SURF6: variants seen among roughly 807,000 people sequenced by gnomAD.
SURF6 encodes the protein surfeit 6, also known as surfeit locus protein 6.
In SURF6, 28 loss-of-function variants were observed where a neutral mutation model predicts 37.5. The ratio of observed to expected loss-of-function variants is 0.75; its 90% confidence interval spans 0.55 to 1.02. The LOEUF (loss-of-function observed/expected upper bound fraction) is 1.02, where lower values mean the gene tolerates loss of function less well. SURF6 is among the 50% of genes least tolerant of loss of function. The pLI is 0.00. For synonymous variants in SURF6, 248 were observed against 210.9 expected (o/e 1.18, Z -1.52); for missense variants, 560 against 490.5 (o/e 1.14, Z -1.34).
intron 3 of SURF6, 69 bp from the exon 4 acceptor site, chr9:133,332,829 C>A: frequency 1.3e-6 from 2 of 1,500,606 alleles, no homozygotes; most frequent in East Asian, 2.3e-5. Flanking sequence ...GGCCCATAGT[C>A]GAGAAGAATC....
chr9:133,333,758 C>T lies in SURF6; in HGVS notation c.353G>A (p.Arg118Gln), dbSNP rs151083423. Reference protein sequence around the residue: ...PESVFALDVLRQRLHEKIQEA... With the variant: ...PESVFALDVLQQRLHEKIQEA... Reference sequence around the variant, plus strand: ...CTGGATCTTCTCATGCAGTCGCTGTCGCAGAACATCCAGAGCAAAGACAGA... The same window carrying T: ...CTGGATCTTCTCATGCAGTCGCTGTTGCAGAACATCCAGAGCAAAGACAGA... Residue 118 changes from arginine (R) to glutamine (Q), a missense_variant, in exon 3 of 5, where the codon CGA becomes CAA. Physicochemically the swap from Arg to Gln is conservative, Grantham distance 43. Transcript: ENST00000372022. 791 of 1,613,902 alleles carry T rather than the reference C, an allele frequency of 4.9e-4. 6 individuals are homozygous for T. The African/African-American group carries it at 8.7e-3, about 18-fold the overall frequency.
At chr9:133,333,052 G>A in intron 3 of SURF6, 2 of 462,672 alleles carry the variant, frequency 4.3e-6, no homozygotes, top group South Asian at 4.6e-5. Context: ...TATAGATGAG[G>A]AGGGTCAAGA....
chr9:133,336,057 G>A lies in SURF6; in HGVS notation c.76C>T (p.Gln26Ter). 6.2e-7 allele frequency: 1 copy of A among 1,612,158 alleles called. No homozygotes were observed. The highest frequency in any genetic ancestry group is 8.5e-7 in the Non-Finnish European group (1 of 1,179,834). ...KKICSHSAPE[Q>*]QARTRAGKTQ... ...GCGTTACCCCGCGTGCGCGCCTGCT[G>A]TTCCGGGGCCGAATGGGAGCAGATC... Residue 26 changes from glutamine (Q) to a stop codon, truncating the protein, a stop_gained, in exon 1 of 5, where the codon CAG becomes TAG. Coordinates refer to ENST00000372022, the MANE Select transcript of SURF6 (RefSeq NM_006753.6). LOFTEE classifies it high-confidence loss of function.
In SURF6 at chr9:133,331,794, G is replaced by A; in HGVS notation, c.*75C>T. On this transcript the variant is annotated 3_prime_UTR_variant, in exon 5 of 5. Coordinates refer to ENST00000372022, the MANE Select transcript of SURF6 (RefSeq NM_006753.6). ...CGAGGTCTGTGGAGATCCTGGGACA[G>A]AGCCAGCGTCAAGGACTCAGAGGGT... is the stretch of plus-strand genomic sequence containing the variant. 1.4e-6 allele frequency: 2 copies of A among 1,468,866 alleles called. No individual in the cohort carries two copies. Among genetic ancestry groups the A allele is most frequent in the African/African-American group, 2.9e-5 (2 of 69,044 alleles). The allele number at this position is 1,468,866 out of a possible 1,614,324, so 91.0% of individuals were successfully genotyped here.
intron 1 of SURF6, among the ~76,000 whole-genome samples, chr9:133,335,653 G>C (rs939154310): frequency 6.6e-6 from 1 of 151,212 alleles, no homozygotes; most frequent in Non-Finnish European, 1.5e-5. Flanking sequence ...GTAGTGAAGG[G>C]ACTGAAAGGG....
At chr9:133,335,945 T>C (rs1588674032) in intron 1 of SURF6, 94 bp downstream of exon 1, 3 of 960,806 alleles carry the variant, frequency 3.1e-6, no homozygotes, top group African/African-American at 1.7e-5. Context: ...CACTTAGATT[T>C]TTTTTCTAGT....
At position 133,330,206 on chromosome 9, in the gene SURF6, T is replaced by C. The variant is rs941900364; in HGVS notation, c.*1663A>G. The C allele has an allele frequency of 6.6e-6, 1 of 152,228 alleles. No homozygotes were observed. The highest frequency in any genetic ancestry group is 1.5e-5 in the Non-Finnish European group (1 of 68,046). The allele number at this position is 152,228 out of a possible 1,614,324, so 9.4% of individuals were successfully genotyped here. A position where few individuals can be genotyped will look rare whatever the true frequency, so the allele number is the denominator to read the frequency against. On this transcript the variant is annotated 3_prime_UTR_variant, in exon 5 of 5. Transcript: ENST00000372022. Reference sequence around the variant, plus strand: ...ATGCACATACATTTAGGGGCTATGTTTTTTTGTGCTGCTTTAGCTCTGTTC... The same window carrying C: ...ATGCACATACATTTAGGGGCTATGTCTTTTTGTGCTGCTTTAGCTCTGTTC...
chr9:133,336,116 G>A lies in SURF6; in HGVS notation c.17C>T (p.Ala6Val). 3 of 1,612,454 alleles carry A rather than the reference G, an allele frequency of 1.9e-6. No individual in the cohort carries two copies. Among genetic ancestry groups the A allele is most frequent in the Non-Finnish European group, 2.5e-6 (3 of 1,179,756 alleles). The change falls in exon 1 of 5, where the codon GCC (alanine) becomes GTC (valine). Residue 6 changes from alanine to valine, a missense_variant. Ala to Val is a moderately conservative substitution (Grantham distance 64). Transcript: ENST00000372022. ...CAGGCTCTGCAGGTAGGCGTCCTTG[G>A]CGAGTAGAGAGGCCATGGCGGAGAC... The part of the protein sequence containing the change: MASLL[A>V]KDAYLQSLAK...
At chr9:133,333,855 C>G (rs2129925260) in intron 2 of SURF6, 49 bp from the exon 3 acceptor site, 2 of 1,522,964 alleles carry the variant, frequency 1.3e-6, no homozygotes, top group African/African-American at 1.4e-5. Flanking sequence ...TCCCCTCCCC[C>G]TCCCTCCCTA....
Position 133,331,743 on chromosome 9 carries a change from A to T in SURF6, c.*126T>A. On this transcript the variant is annotated 3_prime_UTR_variant, in exon 5 of 5. Transcript: ENST00000372022. ...GGCCCTCACAACTCAGCAGAGCACC[A>T]CTGTGTCCCCCTCACATGGAGAGGC... 1 of 1,282,310 alleles carries T rather than the reference A, an allele frequency of 7.8e-7. No homozygotes were observed. The allele number at this position is 1,282,310 out of a possible 1,614,324, so 79.4% of individuals were successfully genotyped here.
Position 133,334,612 on chromosome 9 carries a change from A to G in SURF6, c.95-11T>C, listed in dbSNP as rs2129928515. 6.2e-7 allele frequency: 1 copy of G among 1,604,704 alleles called. No homozygotes were observed. The highest frequency in any genetic ancestry group is 1.7e-5 in the Admixed American group (1 of 59,802). On this transcript the variant is annotated splice_polypyrimidine_tract_variant and intron_variant, in intron 1 of 4. Transcript: ENST00000372022. ...CTTGAGTTTTGCCAGCTGAAATGCA[A>G]AATAAGAAAGAGTTAAGTCCCAATC...
At position 133,332,735 on chromosome 9, in the gene SURF6, G is replaced by A. The variant is rs2129921103; in HGVS notation, c.419C>T (p.Ala140Val). 11 of 1,611,142 alleles carry A rather than the reference G, an allele frequency of 6.8e-6. No individual in the cohort carries two copies. The highest frequency in any genetic ancestry group is 9.3e-6 in the Non-Finnish European group (11 of 1,180,006). The change falls in exon 4 of 5, where the codon GCC becomes GTC. Residue 140 changes from alanine (A) to valine (V), a missense_variant. By Grantham distance (64) the Ala-to-Val change is moderately conservative. Transcript: ENST00000372022. The part of the protein sequence containing the change: ...GQGSAKELSP[A>V]ALEKRRRRKQ... Reference sequence around the variant, plus strand: ...TCTCCGCCGCCTTTTCTCCAAGGCGGCAGGGGACAGCTCCTTGGCACTGCC... The same window carrying A: ...TCTCCGCCGCCTTTTCTCCAAGGCGACAGGGGACAGCTCCTTGGCACTGCC...
rs1554765636 is a variant in SURF6, at chr9:133,331,674, A to G, written c.*195T>C. 1 of 699,442 alleles carries G rather than the reference A, an allele frequency of 1.4e-6. No individual in the cohort carries two copies. The highest frequency in any genetic ancestry group is 2.1e-6 in the Non-Finnish European group (1 of 486,862). The allele number at this position is 699,442 out of a possible 1,614,324, so 43.3% of individuals were successfully genotyped here. On this transcript the variant is annotated 3_prime_UTR_variant, in exon 5 of 5. Coordinates refer to ENST00000372022, the MANE Select transcript of SURF6 (RefSeq NM_006753.6). The stretch of plus-strand genomic sequence containing the variant: ...AAGGTCCCGGATCCTGCGTTCAAGG[A>G]TGACGCTGAAACTCTCTCTTTCTCA...
Position 133,331,967 on chromosome 9 carries a change from G to GC in SURF6, c.987dup (p.Arg330AlafsTer82). 6.3e-7 allele frequency: 1 copy of GC among 1,595,396 alleles called. No individual in the cohort carries two copies. Among genetic ancestry groups the GC allele is most frequent in the East Asian group, 2.2e-5 (1 of 44,706 alleles). Reference sequence around the variant, plus strand: ...TCGGCGCGGGCCGCCTTCTTCCTGCGCAGGTTCTGCCGCCGCCGGTCCTGG... The same window carrying GC: ...TCGGCGCGGGCCGCCTTCTTCCTGCGCCAGGTTCTGCCGCCGCCGGTCCTGG... On this transcript the variant is annotated frameshift_variant, in exon 5 of 5. Coordinates refer to ENST00000372022, the MANE Select transcript of SURF6 (RefSeq NM_006753.6). LOFTEE classifies it high-confidence loss of function.
At chr9:133,334,277 T>C (rs1178482515) in intron 2 of SURF6, 115 bp downstream of exon 2, 3 of 933,336 alleles carry the variant, frequency 3.2e-6, no homozygotes, top group Non-Finnish European at 4.7e-6. Flanking sequence ...GGAAGTCTCG[T>C]GCTATCCCTG....
At chr9:133,332,815 G>C (rs1835782406) in intron 3 of SURF6, 55 bp from the exon 4 acceptor site, 1 of 1,554,984 alleles carries the variant, frequency 6.4e-7, no homozygotes, top group Non-Finnish European at 8.8e-7. Context: ...GGGTCCCCCA[G>C]CCTGGCCCAT....
chr9:133,334,376 C>G lies in SURF6; in HGVS notation c.304+16G>C. 1 of 1,605,548 alleles carries G rather than the reference C, an allele frequency of 6.2e-7. No individual in the cohort carries two copies. Among genetic ancestry groups the G allele is most frequent in the Non-Finnish European group, 8.5e-7 (1 of 1,176,934 alleles). On this transcript the variant is annotated intron_variant, in intron 2 of 4. Transcript: ENST00000372022. Reference sequence around the variant, plus strand: ...CCCCGCCCTGCACAGAACCAACATGCCCTGAAGCCTCTCACCTGCAGGGTT... The same window carrying G: ...CCCCGCCCTGCACAGAACCAACATGGCCTGAAGCCTCTCACCTGCAGGGTT...
chr9:133,331,893 G>A lies in SURF6; in HGVS notation c.1062C>T (p.Asp354=), dbSNP rs2129912367. The A allele has an allele frequency of 3.3e-6, 5 of 1,525,764 alleles. No individual in the cohort carries two copies. Among genetic ancestry groups the A allele is most frequent in the African/African-American group, 1.4e-5 (1 of 72,176 alleles). 94.5% of individuals were successfully genotyped at this position (1,525,764 alleles called of 1,614,324 possible). The change falls in exon 5 of 5, where the codon GAC becomes GAT. Residue 354 remains aspartate (D), a synonymous_variant. Transcript: ENST00000372022. ...ARKKGRILPQ[D]LERAGLV is the part of the protein sequence containing the mutation. ...CTCAGACCAGGCCTGCGCGCTCCAG[G>A]TCCTGCGGCAGGATGCGGCCCTTCT...
rs191082296 is a variant in SURF6 at position 133,334,132 on chromosome 9, T to C, written c.304+260A>G. On this transcript the variant is annotated intron_variant, in intron 2 of 4. Coordinates refer to ENST00000372022, the MANE Select transcript of SURF6 (RefSeq NM_006753.6). ...CAGAGACCTGAGGGCAGGGAAGCTC[T>C]TCAAGCCAAGCTGCTCCAGGTCCTC... is the stretch of plus-strand genomic sequence containing the variant. Among the ~76,000 whole-genome samples the C allele has an allele frequency of 2.6e-5, 4 of 152,278 alleles. No individual in the cohort carries two copies. The East Asian group carries it at 5.8e-4, about 22-fold the overall frequency.
Sources: allele counts gnomAD v4.1 joint callset (sites outside exome capture counted in the v4.1 genomes callset), GRCh38; gene constraint gnomAD v4.1.1; transcripts MANE v1.5; gene names NCBI Gene and HGNC (gene_info 2026-07-23, HGNC 2026-07-21).